The following RAB13 variants were observed in gnomAD, a reference collection of about 807,000 sequenced individuals.
The protein encoded by RAB13 is ras-related protein Rab-13.
In RAB13, 15 loss-of-function variants were observed where a neutral mutation model predicts 29.3. The observed-to-expected ratio is 0.51, with a 90% CI of 0.34 to 0.79. The LOEUF is 0.79. Ranked by LOEUF, RAB13 falls within the 30% of genes least tolerant of loss-of-function variation. RAB13 has a pLI of 0.01. For missense variants in RAB13, 186 were observed against 255.5 expected (o/e 0.73, Z 1.85); for synonymous variants, 82 against 93.8 (o/e 0.87, Z 0.73).
chr1:153,987,489 T>G (rs1400816835), upstream of RAB13, among the ~76,000 whole-genome samples: 1 of 136,262 alleles, frequency 7.3e-6, no homozygotes, highest in Non-Finnish European at 1.5e-5. Context: ...GCACTCCAGC[T>G]TGGGCGACAG....
intron 7 of RAB13, 49 bp downstream of exon 7, chr1:153,982,340 TAC>T (rs752731240): frequency 5.2e-4 from 698 of 1,351,184 alleles, no homozygotes; most frequent in Non-Finnish European, 6.1e-4. Flanking sequence ...CACACATACA[TAC>T]ACACACACAC....
At chr1:153,989,928 G>T (rs561096535), upstream of RAB13, among the ~76,000 whole-genome samples, 1 of 151,906 alleles carries the variant, frequency 6.6e-6, no homozygotes, top group East Asian at 1.9e-4. Flanking sequence ...AAAAAAGAAG[G>T]CATCTTTCAC....
chr1:153,982,439 A>G lies in RAB13; in HGVS notation c.486T>C (p.Phe162=). The change falls in exon 7 of 8, where the codon TTT becomes TTC. Residue 162 remains phenylalanine (F), a synonymous_variant. Coordinates refer to ENST00000368575, the MANE Select transcript of RAB13 (RefSeq NM_002870.5). ...GCAAGATGTCCCGGGCCAGGGAACT[A>G]AAAGCCTAAAGTGGGGAACAGAGTC... is the stretch of plus-strand genomic sequence containing the variant. ...AKSSMNVDEA[F]SSLARDILLK... is the part of the protein sequence containing the mutation. The G allele has an allele frequency of 6.2e-7, 1 of 1,613,876 alleles. No individual in the cohort carries two copies. Among genetic ancestry groups the G allele is most frequent in the Non-Finnish European group, 8.5e-7 (1 of 1,179,794 alleles).
At chr1:153,985,248 T>G (rs1192322773) in intron 1 of RAB13, 1 of 986,352 alleles carries the variant, frequency 1.0e-6, no homozygotes, top group African/African-American at 1.7e-5. Context: ...TGGGCCAAAC[T>G]TGGCACTAGG....
rs1053880370 is a variant in RAB13 at position 153,983,567 on chromosome 1, T to G, written c.200A>C (p.Gln67Pro). Reference sequence around the variant, plus strand: ...AGTAGTTATTGTCTTGAACCGCTCTTGGCCAGCCGTGTCCCTAAAGAAGGA... The same window carrying G: ...AGTAGTTATTGTCTTGAACCGCTCTGGGCCAGCCGTGTCCCTAAAGAAGGA... The part of the protein sequence containing the change: ...IKLQVWDTAG[Q>P]ERFKTITTAY... The change falls in exon 3 of 8, where the codon CAA (glutamine) becomes CCA (proline). Residue 67 changes from glutamine to proline, a missense_variant. Physicochemically the swap from Gln to Pro is moderately conservative, Grantham distance 76. Transcript: ENST00000368575. The G allele has an allele frequency of 2.5e-6, 4 of 1,610,444 alleles. No homozygotes were observed. The Admixed American group carries it at 5.0e-5, about 20-fold the overall frequency.
At chr1:153,983,631 A>C (rs746069459) in intron 2 of RAB13, 50 bp from the exon 3 acceptor site, 51 of 1,469,100 alleles carry the variant, frequency 3.5e-5, no homozygotes, top group Non-Finnish European at 4.9e-5. Flanking sequence ...AGAATTCTCC[A>C]ACGGAATAAT....
In RAB13 at chr1:153,982,436, A is replaced by C. The variant is rs769439687; in HGVS notation, c.489T>G (p.Ser163Arg). 1.2e-6 allele frequency: 2 copies of C among 1,613,800 alleles called. No homozygotes were observed. Among genetic ancestry groups the C allele is most frequent in the African/African-American group, 2.7e-5 (2 of 74,884 alleles). ...TGAGCAAGATGTCCCGGGCCAGGGA[A>C]CTAAAAGCCTAAAGTGGGGAACAGA... ...KSSMNVDEAF[S>R]SLARDILLKS... The change falls in exon 7 of 8, where the codon AGT becomes AGG. Residue 163 changes from serine (S) to arginine (R), a missense_variant. Coordinates refer to ENST00000368575, the MANE Select transcript of RAB13 (RefSeq NM_002870.5).
Position 153,982,338 on chromosome 1 carries a change from C to T in RAB13, c.534+53G>A, listed in dbSNP as rs1649008171. On this transcript the variant is annotated intron_variant, in intron 7 of 7. Coordinates refer to ENST00000368575, the MANE Select transcript of RAB13 (RefSeq NM_002870.5). ...ACACACACACACACACACACACATA[C>T]ATACACACACACACACCCCAGAGTT... 4.7e-6 allele frequency: 7 copies of T among 1,491,534 alleles called. No individual in the cohort carries two copies. In the African/African-American group the frequency reaches 8.0e-5, roughly 17 times the overall value. 92.4% of individuals were successfully genotyped at this position (1,491,534 alleles called of 1,614,324 possible).
At position 153,982,187 on chromosome 1, in the gene RAB13, A is replaced by T. The variant is rs376518466; in HGVS notation, c.535-11T>A. The T allele has an allele frequency of 2.5e-6, 4 of 1,612,056 alleles. No individual in the cohort carries two copies. In the African/African-American group the frequency reaches 5.3e-5, roughly 22 times the overall value. The stretch of plus-strand genomic sequence containing the variant: ...CTTGTTGCCGTTTCCCTAGAGGGAG[A>T]AGGGCACAGGTGTCATGGTGTGAAT... On this transcript the variant is annotated splice_polypyrimidine_tract_variant and intron_variant, in intron 7 of 7. Coordinates refer to ENST00000368575, the MANE Select transcript of RAB13 (RefSeq NM_002870.5).
At chr1:153,983,658 G>T in intron 2 of RAB13, 77 bp from the exon 3 acceptor site, 1 of 1,336,008 alleles carries the variant, frequency 7.5e-7, no homozygotes, top group Non-Finnish European at 1.1e-6. Context: ...TCTCTCACAA[G>T]AATTTAGCTT....
At chr1:153,982,851 G>A (rs753632958) in intron 4 of RAB13, 43 bp from the exon 5 acceptor site, 4 of 1,598,746 alleles carry the variant, frequency 2.5e-6, no homozygotes, top group East Asian at 2.2e-5. Flanking sequence ...TGCCGGCTGG[G>A]AGCGGTGGCT....
At position 153,985,160 on chromosome 1, in the gene RAB13, A is replaced by G. The variant is rs1486156896; in HGVS notation, c.125-379T>C. Reference sequence around the variant, plus strand: ...CTTCTCTGTTTTCTTAGAGCCCTCTACTCTTGGTATCCCACCTACCCTCCT... The same window carrying G: ...CTTCTCTGTTTTCTTAGAGCCCTCTGCTCTTGGTATCCCACCTACCCTCCT... On this transcript the variant is annotated intron_variant, in intron 1 of 7. Transcript: ENST00000368575. The G allele has an allele frequency of 3.9e-6, 4 of 1,023,926 alleles. No individual in the cohort carries two copies. In the African/African-American group the frequency reaches 7.0e-5, roughly 18 times the overall value. The allele number at this position is 1,023,926 out of a possible 1,614,324, so 63.4% of individuals were successfully genotyped here.
chr1:153,984,594 AAGTGCTCCTTCT>A (rs1288985412), intron 2 of RAB13, 115 bp downstream of exon 2: 1 of 780,846 alleles, frequency 1.3e-6, no homozygotes, highest in Non-Finnish European at 2.1e-6. Context: ...GAAATGCCAG[AAGTGCTCCTTCT>A]AGCACTTCTA....
upstream of RAB13, chr1:153,990,649 T>A: frequency 1.9e-6 from 2 of 1,027,824 alleles, no homozygotes; most frequent in Non-Finnish European, 3.0e-6. Context: ...GCAGCTCCCT[T>A]GTCTCCCCAC....
At chr1:153,986,819 T>C (rs1459733124), upstream of RAB13, among the ~76,000 whole-genome samples, 1 of 152,292 alleles carries the variant, frequency 6.6e-6, no homozygotes, top group Non-Finnish European at 1.5e-5. Flanking sequence ...TTACTGTTAG[T>C]TGTCCAAGCC....
intron 2 of RAB13, among the ~76,000 whole-genome samples, chr1:153,984,113 G>T (rs1049368132): frequency 1.3e-5 from 2 of 148,946 alleles, no homozygotes; most frequent in Non-Finnish European, 3.0e-5. Flanking sequence ...GGAGGCGGAG[G>T]TTAAAGTGAG....
At chr1:153,985,804 G>A (rs1026101298) in intron 1 of RAB13, among the ~76,000 whole-genome samples, 2 of 152,154 alleles carry the variant, frequency 1.3e-5, no homozygotes, top group African/African-American at 4.8e-5. Context: ...TAGGTGGTGG[G>A]GGTAGGGGAA....
At chr1:153,986,068 A>T (rs780295659) in intron 1 of RAB13, 45 bp downstream of exon 1, 1 of 1,610,042 alleles carries the variant, frequency 6.2e-7, no homozygotes, top group Admixed American at 1.7e-5. Context: ...CCGGAGAAGG[A>T]GGTCACAGGA....
Position 153,982,438 on chromosome 1 carries a change from T to C in RAB13, c.487A>G (p.Ser163Gly). The change falls in exon 7 of 8, where the codon AGT (serine) becomes GGT (glycine). Residue 163 changes from serine (S) to glycine (G), a missense_variant. Coordinates refer to ENST00000368575, the MANE Select transcript of RAB13 (RefSeq NM_002870.5). ...KSSMNVDEAFSSLARDILLKS... is the reference protein window; with the variant it reads ...KSSMNVDEAFGSLARDILLKS... The stretch of plus-strand genomic sequence containing the variant: ...AGCAAGATGTCCCGGGCCAGGGAAC[T>C]AAAAGCCTAAAGTGGGGAACAGAGT... The C allele has an allele frequency of 6.2e-7, 1 of 1,613,734 alleles. No individual in the cohort carries two copies. Among genetic ancestry groups the C allele is most frequent in the Non-Finnish European group, 8.5e-7 (1 of 1,179,796 alleles).
Sources: gnomAD v4.1 joint callset for allele counts (sites outside exome capture counted in the v4.1 genomes callset) on GRCh38, gnomAD v4.1.1 for gene constraint, MANE v1.5 for transcripts, NCBI Gene and HGNC (gene_info 2026-07-23, HGNC 2026-07-21) for gene names.